CAMK1: variants seen among roughly 807,000 people sequenced by gnomAD.
CAMK1 encodes the protein calcium/calmodulin dependent protein kinase I.
A neutral mutation model predicts 49.1 loss-of-function variants in CAMK1; 39 were observed. The observed-to-expected ratio is 0.79, with a 90% CI of 0.62 to 1.04. The LOEUF is 1.04. CAMK1 is among the 50% of genes least tolerant of loss of function. The pLI, the probability that CAMK1 is intolerant of heterozygous loss-of-function variation, is 0.00. For synonymous variants in CAMK1, 192 were observed against 185.2 expected (o/e 1.04, Z -0.30); for missense variants, 457 against 472.2 (o/e 0.97, Z 0.30).
rs141216922 is a variant in CAMK1, at chr3:9,768,006, C to A, written c.-32-225G>T. On this transcript the variant is annotated intron_variant, in intron 1 of 11. Coordinates refer to ENST00000256460, the MANE Select transcript of CAMK1 (RefSeq NM_003656.5). ...AGCAAAATTCTTTATTTAACAAAGTCATGCATTCATTCATTCATTTATTCT... is the reference window on the plus strand; with the variant it reads ...AGCAAAATTCTTTATTTAACAAAGTAATGCATTCATTCATTCATTTATTCT... 3.3e-3 allele frequency among the ~76,000 whole-genome samples: 496 copies of A among 152,342 alleles called. 3 individuals carry two copies. The highest frequency in any genetic ancestry group is 0.012 in the African/African-American group (481 of 41,568).
rs1191804647 is a variant in CAMK1 at position 9,761,508 on chromosome 3, G to A, written c.585C>T (p.Tyr195=). 1 of 1,613,634 alleles carries A rather than the reference G, an allele frequency of 6.2e-7. No homozygotes were observed. Among genetic ancestry groups the A allele is most frequent in the South Asian group, 1.1e-5 (1 of 91,058 alleles). The part of the protein sequence containing the change: ...VAPEVLAQKP[Y]SKAVDCWSIG... ...TGGACCAGCAATCCACAGCCTTGCTGTAGGGCTTCTGGGCCAGGACTTCAG... is the reference window on the plus strand; with the variant it reads ...TGGACCAGCAATCCACAGCCTTGCTATAGGGCTTCTGGGCCAGGACTTCAG... The change falls in exon 7 of 12, where the codon TAC becomes TAT. Residue 195 remains tyrosine (Y), a synonymous_variant. Coordinates refer to ENST00000256460, the MANE Select transcript of CAMK1 (RefSeq NM_003656.5).
chr3:9,760,792 C>T (rs776579606), intron 7 of CAMK1, 24 bp from the exon 8 acceptor site: 2 of 1,613,632 alleles, frequency 1.2e-6, no homozygotes, highest in Non-Finnish European at 8.5e-7. Flanking sequence ...AACTCATCCT[C>T]ATTTCCACTT....
chr3:9,765,566 G>A (rs532542005), intron 3 of CAMK1, among the ~76,000 whole-genome samples, 193 bp downstream of exon 3: 1 of 152,274 alleles, frequency 6.6e-6, no homozygotes, highest in East Asian at 1.9e-4. Context: ...TGTCATGTTA[G>A]GCCAGGCACT....
At chr3:9,760,229 C>T (rs906030805) in intron 8 of CAMK1, 6 of 182,012 alleles carry the variant, frequency 3.3e-5, no homozygotes, top group Non-Finnish European at 5.8e-5. Context: ...GGCAACAGAG[C>T]GAGACTGCGT....
intron 3 of CAMK1, among the ~76,000 whole-genome samples, chr3:9,764,257 C>T (rs1285622921): frequency 2.6e-5 from 4 of 152,040 alleles, no homozygotes; most frequent in Non-Finnish European, 4.4e-5. Flanking sequence ...GCCTGGCACA[C>T]GGTAAATACT....
chr3:9,769,486 A>T (rs1304916473), intron 1 of CAMK1, among the ~76,000 whole-genome samples: 1 of 152,062 alleles, frequency 6.6e-6, no homozygotes, highest in Non-Finnish European at 1.5e-5. Flanking sequence ...AGATTCCCAG[A>T]TCCTCCACCC....
At chr3:9,758,064 TATAA>T in intron 10 of CAMK1, 3 of 599,522 alleles carry the variant, frequency 5.0e-6, no homozygotes, top group Non-Finnish European at 8.1e-6. Flanking sequence ...TATCTATATA[TATAA>T]ATAGAAACAT....
At position 9,763,016 on chromosome 3, in the gene CAMK1, T is replaced by C; in HGVS notation, c.327A>G (p.Glu109=). ...CGTCCCGCTCCGTGTAGAAGCCTTTTTCCACAATACGGTCAAAGAGCTCCC... is the reference window on the plus strand; with the variant it reads ...CGTCCCGCTCCGTGTAGAAGCCTTTCTCCACAATACGGTCAAAGAGCTCCC... ...SGGELFDRIV[E]KGFYTERDAS... The change falls in exon 5 of 12, where the codon GAA becomes GAG. Residue 109 remains glutamate, a synonymous_variant. Transcript: ENST00000256460. 1 of 1,614,118 alleles carries C rather than the reference T, an allele frequency of 6.2e-7. No homozygotes were observed. Among genetic ancestry groups the C allele is most frequent in the South Asian group, 1.1e-5 (1 of 91,068 alleles).
chr3:9,759,391 G>C, intron 10 of CAMK1, 97 bp downstream of exon 10: 1 of 1,571,046 alleles, frequency 6.4e-7, no homozygotes, highest in South Asian at 1.1e-5. Context: ...GTTACTGTGT[G>C]CCCAGTGTGA....
chr3:9,768,144 C>T (rs1239419186), intron 1 of CAMK1, among the ~76,000 whole-genome samples: 1 of 152,068 alleles, frequency 6.6e-6, no homozygotes, highest in African/African-American at 2.4e-5. Flanking sequence ...TGGAGGATCC[C>T]CCTGTCCCCA....
intron 1 of CAMK1, among the ~76,000 whole-genome samples, chr3:9,768,957 A>G (rs948476285): frequency 6.7e-6 from 1 of 149,850 alleles, no homozygotes; most frequent in Non-Finnish European, 1.5e-5. Context: ...ACCAAATACA[A>G]CCCTCACAGA....
At chr3:9,761,049 G>A (rs898566943) in intron 7 of CAMK1, 21 of 420,514 alleles carry the variant, frequency 5.0e-5, no homozygotes, top group African/African-American at 3.6e-4. Flanking sequence ...CTCACCACTC[G>A]GTCATCACCT....
rs1357998594 is a variant in CAMK1 at position 9,759,715 on chromosome 3, G to T, written c.781C>A (p.Pro261Thr). 1 of 1,613,930 alleles carries T rather than the reference G, an allele frequency of 6.2e-7. No homozygotes were observed. Among genetic ancestry groups the T allele is most frequent in the African/African-American group, 1.3e-5 (1 of 74,852 alleles). The change falls in exon 9 of 12, where the codon CCA becomes ACA. Residue 261 changes from proline to threonine, a missense_variant. Pro to Thr is a conservative substitution (Grantham distance 38). Coordinates refer to ENST00000256460, the MANE Select transcript of CAMK1 (RefSeq NM_003656.5). Reference protein sequence around the residue: ...DFIRHLMEKDPEKRFTCEQAL... With the variant: ...DFIRHLMEKDTEKRFTCEQAL... ...TGCTCACAGGTGAATCTTTTCTCTG[G>T]GTCCTTCTCCATCAAGTGCCGGATG...
rs1166084465 is a variant in CAMK1, at chr3:9,757,500, C to A, written c.*39G>T. The A allele has an allele frequency of 6.2e-7, 1 of 1,604,772 alleles. No homozygotes were observed. The stretch of plus-strand genomic sequence containing the variant: ...GGAAGGGGAGCAGGCTGCCCCCAAG[C>A]CCTCCCACGCAGAGGATCATGACCC... On this transcript the variant is annotated 3_prime_UTR_variant, in exon 12 of 12. Coordinates refer to ENST00000256460, the MANE Select transcript of CAMK1 (RefSeq NM_003656.5). This position sits in a 1 kb window ranked among gnomAD's most constrained non-coding sequence, Gnocchi z 4.5.
rs1404099870 is a variant in CAMK1, at chr3:9,767,763, C to G, written c.-14G>C. On this transcript the variant is annotated 5_prime_UTR_variant, in exon 2 of 12. Coordinates refer to ENST00000256460, the MANE Select transcript of CAMK1 (RefSeq NM_003656.5). ...TGCCCCCAGCATGGCCCACTGCCCC[C>G]CGACCACAGCCAGGGCTCCTGTAAG... is the stretch of plus-strand genomic sequence containing the variant. 1 of 1,613,812 alleles carries G rather than the reference C, an allele frequency of 6.2e-7. No homozygotes were observed. Among genetic ancestry groups the G allele is most frequent in the Non-Finnish European group, 8.5e-7 (1 of 1,179,968 alleles).
intron 10 of CAMK1, chr3:9,758,391 A>G (rs1486419521): frequency 6.5e-6 from 1 of 154,756 alleles, no homozygotes; most frequent in Non-Finnish European, 1.4e-5. Context: ...ACCACCATCC[A>G]TTCTGTTCCC....
chr3:9,766,167 A>G, intron 2 of CAMK1: 1 of 906,694 alleles, frequency 1.1e-6, no homozygotes, highest in Non-Finnish European at 1.8e-6. Flanking sequence ...GGTAGGATGT[A>G]AGCCTGGAGC....
rs1244291765 is a variant in CAMK1, at chr3:9,769,864, G to C, written c.-65C>G. 1.3e-5 allele frequency: 2 copies of C among 152,258 alleles called. No homozygotes were observed. The highest frequency in any genetic ancestry group is 2.4e-5 in the African/African-American group (1 of 41,466). 9.4% of individuals were successfully genotyped at this position (152,258 alleles called of 1,614,324 possible). A position where few individuals can be genotyped will look rare whatever the true frequency, so the allele number is the denominator to read the frequency against. The stretch of plus-strand genomic sequence containing the variant: ...TGCCCCGCCGCGGGGCTGGCTGGGA[G>C]GCCCGCGGTGGTTGGCGCCGAGCTG... On this transcript the variant is annotated 5_prime_UTR_variant, in exon 1 of 12. Transcript: ENST00000256460.
rs372591129 is a variant in CAMK1 at position 9,759,736 on chromosome 3, G to A, written c.760C>T (p.Arg254Trp). ...DISDSAKDFIRHLMEKDPEKR... is the reference protein window; with the variant it reads ...DISDSAKDFIWHLMEKDPEKR... ...TCTGGGTCCTTCTCCATCAAGTGCC[G>A]GATGAAATCTTTGGCTAAACCCCCA... The change falls in exon 9 of 12, where the codon CGG (arginine) becomes TGG (tryptophan). Residue 254 changes from arginine to tryptophan, a missense_variant. By Grantham distance (101) the Arg-to-Trp change is moderately radical. Transcript: ENST00000256460. The A allele has an allele frequency of 3.0e-5, 48 of 1,613,924 alleles. 1 individual carries two copies. The highest frequency in any genetic ancestry group is 1.5e-4 in the South Asian group (14 of 91,074).
Sources: allele counts gnomAD v4.1 joint callset (sites outside exome capture counted in the v4.1 genomes callset), GRCh38; gene constraint gnomAD v4.1.1; non-coding constraint Gnocchi (gnomAD v3.1); transcripts MANE v1.5; gene names NCBI Gene and HGNC (gene_info 2026-07-23, HGNC 2026-07-21).